The following SLC31A1 variants were observed in gnomAD, a reference collection of about 807,000 sequenced individuals.
SLC31A1 encodes the protein solute carrier family 31 member 1, also known as high affinity copper uptake protein 1.
SLC31A1 carries 5 observed loss-of-function variants against 17.2 expected under a neutral mutation model. The ratio of observed to expected loss-of-function variants is 0.29; its 90% confidence interval spans 0.15 to 0.61. SLC31A1 has a LOEUF of 0.61. Among genes scored for constraint, SLC31A1 ranks in the 20% least tolerant of loss-of-function variants. SLC31A1 has a pLI of 0.86. For synonymous variants in SLC31A1, 76 were observed against 78.8 expected, an observed-to-expected ratio of 0.96 and a Z score of 0.19; for missense variants, 161 against 241.4, an observed-to-expected ratio of 0.67 and a Z score of 2.21.
chr9:113,228,193 G>A (rs1417178313), intron 1 of SLC31A1, among the ~76,000 whole-genome samples: 3 of 152,174 alleles, frequency 2.0e-5, no homozygotes, highest in Non-Finnish European at 2.9e-5. Context: ...CGTGCTGCAT[G>A]CTTTCTCCAC....
chr9:113,249,992 C>T (rs1831628626), intron 1 of SLC31A1, among the ~76,000 whole-genome samples: 1 of 152,064 alleles, frequency 6.6e-6, no homozygotes, highest in South Asian at 2.1e-4. Flanking sequence ...CATTTCACAC[C>T]AGTTAGAATG....
intron 1 of SLC31A1, among the ~76,000 whole-genome samples, chr9:113,238,948 C>T (rs1302971252): frequency 6.6e-6 from 1 of 152,080 alleles, no homozygotes; most frequent in East Asian, 1.9e-4. Flanking sequence ...CATGTCCCTC[C>T]CAGAGGCTAG....
At chr9:113,260,090 A>G (rs972804787) in intron 4 of SLC31A1, among the ~76,000 whole-genome samples, 182 bp from the exon 5 acceptor site, 1 of 152,186 alleles carries the variant, frequency 6.6e-6, no homozygotes, top group African/African-American at 2.4e-5. Context: ...CAATGTTTAT[A>G]AGCCTGACAG....
Position 113,256,227 on chromosome 9 carries a change from A to C in SLC31A1, c.79A>C (p.Thr27Pro), listed in dbSNP as rs1234729665. 6.2e-7 allele frequency: 1 copy of C among 1,613,684 alleles called. No homozygotes were observed. The change falls in exon 2 of 5, where the codon ACT (threonine) becomes CCT (proline). Residue 27 changes from threonine (T) to proline (P), a missense_variant. Thr to Pro is a conservative substitution (Grantham distance 38, BLOSUM62 -1). Coordinates refer to ENST00000374212, the MANE Select transcript of SLC31A1 (RefSeq NM_001859.4). ...GCAACCTTCTCACCATCACCCAACC[A>C]CTTCAGCCTCACACTCCCATGGTGG... ...TMQPSHHHPTTSASHSHGGGD... is the reference protein window; with the variant it reads ...TMQPSHHHPTPSASHSHGGGD...
At chr9:113,253,973 T>TTTTTG (rs1831691545) in intron 1 of SLC31A1, among the ~76,000 whole-genome samples, 1 of 148,522 alleles carries the variant, frequency 6.7e-6, no homozygotes, top group Non-Finnish European at 1.5e-5. Context: ...TTTTTTTTTT[T>TTTTTG]TTTTGAGATA....
intron 1 of SLC31A1, chr9:113,223,319 G>T: frequency 2.7e-6 from 1 of 376,842 alleles, no homozygotes; most frequent in Non-Finnish European, 5.1e-6. Flanking sequence ...TGCAGGACTG[G>T]GTGCACCTAA....
intron 1 of SLC31A1, among the ~76,000 whole-genome samples, chr9:113,240,499 G>A (rs1295921436): frequency 6.6e-6 from 1 of 152,098 alleles, no homozygotes. Flanking sequence ...TGTAAGAGAA[G>A]ATTGCTAGGG....
chr9:113,226,545 C>T (rs1210788085), intron 1 of SLC31A1, among the ~76,000 whole-genome samples: 1 of 151,812 alleles, frequency 6.6e-6, no homozygotes, highest in Non-Finnish European at 1.5e-5. Context: ...GAGGAGGGGC[C>T]CATCCTTAGG....
chr9:113,254,200 T>C (rs1831694026), intron 1 of SLC31A1, among the ~76,000 whole-genome samples: 1 of 152,114 alleles, frequency 6.6e-6, no homozygotes, highest in African/African-American at 2.4e-5. Flanking sequence ...GTGATCTGCC[T>C]GCCTCAGCCT....
rs750195424 is a variant in SLC31A1 at position 113,248,187 on chromosome 9, G to A, written c.-35-7927G>A. ...TACAACAAAAAAATTAGCCAGGTGT[G>A]GTGGTGTGCACCTGTAGTCCCGGCT... On this transcript the variant is annotated intron_variant, in intron 1 of 4. Coordinates refer to ENST00000374212, the MANE Select transcript of SLC31A1 (RefSeq NM_001859.4). 3.4e-4 allele frequency among the ~76,000 whole-genome samples: 51 copies of A among 151,994 alleles called. 1 individual carries two copies. Among genetic ancestry groups the A allele is most frequent in the Admixed American group, 8.5e-4 (13 of 15,246 alleles).
intron 2 of SLC31A1, chr9:113,256,504 T>A: frequency 2.2e-6 from 1 of 445,564 alleles, no homozygotes; most frequent in Non-Finnish European, 4.0e-6. Context: ...GGTGGTCCCT[T>A]CTGAAATCGA....
chr9:113,248,512 C>T (rs1202557758), intron 1 of SLC31A1, among the ~76,000 whole-genome samples: 2 of 137,412 alleles, frequency 1.5e-5, no homozygotes, highest in Non-Finnish European at 3.1e-5. Context: ...TCTTGTTGCC[C>T]AGGCTGGAGT....
At chr9:113,235,157 G>GA (rs34998075) in intron 1 of SLC31A1, among the ~76,000 whole-genome samples, 49,181 of 151,944 alleles carry the variant, frequency 0.32, 8,096 homozygotes, top group African/African-American at 0.35. Context: ...AGACCTCACA[G>GA]AAAAATAAGC....
rs766586056 is a variant in SLC31A1, at chr9:113,258,668, C to T, written c.203-26C>T. ...ATGATTTTGCACATGTTTGACAGTA[C>T]CTCCATATTTTCCTTCCATACTTAG... On this transcript the variant is annotated intron_variant, in intron 3 of 4. Transcript: ENST00000374212. This position sits in a 1 kb window ranked among gnomAD's most constrained non-coding sequence, Gnocchi z 4.8. The T allele has an allele frequency of 1.9e-5, 30 of 1,613,066 alleles. 1 individual carries two copies. The Middle Eastern group carries it at 7.0e-4, about 38-fold the overall frequency.
intron 1 of SLC31A1, among the ~76,000 whole-genome samples, chr9:113,254,453 G>A (rs1275291416): frequency 1.3e-5 from 2 of 152,058 alleles, no homozygotes; most frequent in Admixed American, 1.3e-4. Context: ...AGCATACTTG[G>A]TTTCATGAAC....
At chr9:113,226,151 GAAAT>G (rs1302533902) in intron 1 of SLC31A1, among the ~76,000 whole-genome samples, 2 of 147,470 alleles carry the variant, frequency 1.4e-5, no homozygotes, top group Non-Finnish European at 3.0e-5. Flanking sequence ...AAAAAAAAAA[GAAAT>G]AAAGAAAGCA....
chr9:113,255,200 T>G (rs1831706710), intron 1 of SLC31A1, among the ~76,000 whole-genome samples: 1 of 152,304 alleles, frequency 6.6e-6, no homozygotes, highest in South Asian at 2.1e-4. Flanking sequence ...AATCCAAATA[T>G]CCTGATTAGG....
Position 113,258,008 on chromosome 9 carries a change from T to A in SLC31A1, c.203-686T>A, listed in dbSNP as rs1587997086. Among the ~76,000 whole-genome samples, 1 of 152,356 alleles carries A rather than the reference T, an allele frequency of 6.6e-6. No individual in the cohort carries two copies. Among genetic ancestry groups the A allele is most frequent in the East Asian group, 1.9e-4 (1 of 5,188 alleles). On this transcript the variant is annotated intron_variant, in intron 3 of 4. Coordinates refer to ENST00000374212, the MANE Select transcript of SLC31A1 (RefSeq NM_001859.4). The surrounding 1 kb of genome is among the most constrained non-coding windows in gnomAD (Gnocchi z 4.8). Reference sequence around the variant, plus strand: ...TAGAGCTACCTAGACCAGTGTTCTTTTAGTCTACCAAACTATGGCCCACAT... The same window carrying A: ...TAGAGCTACCTAGACCAGTGTTCTTATAGTCTACCAAACTATGGCCCACAT...
intron 2 of SLC31A1, 44 bp downstream of exon 2, chr9:113,256,321 T>A: frequency 6.2e-7 from 1 of 1,608,012 alleles, no homozygotes; most frequent in Non-Finnish European, 8.5e-7. Flanking sequence ...TCCCACCCAC[T>A]TGGGTAATAG....
Sources: allele counts gnomAD v4.1 joint callset (sites outside exome capture counted in the v4.1 genomes callset), GRCh38; gene constraint gnomAD v4.1.1; non-coding constraint Gnocchi (gnomAD v3.1); transcripts MANE v1.5; gene names NCBI Gene and HGNC (gene_info 2026-07-23, HGNC 2026-07-21).